Variants in CTNND2 observed in about 807,000 individuals in gnomAD.
CTNND2 encodes the protein catenin delta-2.
In CTNND2, 22 loss-of-function variants were observed where a neutral mutation model predicts 144.4. That is an observed-to-expected ratio of 0.15 (90% CI 0.11 to 0.22). The LOEUF is 0.22. CTNND2 is among the 10% of genes least tolerant of loss of function. The pLI, the probability that CTNND2 is intolerant of heterozygous loss-of-function variation, is 1.00. For synonymous variants in CTNND2, 751 were observed against 695.6 expected, an observed-to-expected ratio of 1.08 and a Z score of -1.25; for missense variants, 1,353 against 1,618.8, an observed-to-expected ratio of 0.84 and a Z score of 2.82.
intron 9 of CTNND2, among the ~76,000 whole-genome samples, chr5:11,281,293 C>T (rs958442182): frequency 6.6e-6 from 1 of 152,214 alleles, no homozygotes; most frequent in African/African-American, 2.4e-5. Flanking sequence ...CTTGGGGGAG[C>T]TACGTTTCTG....
chr5:11,046,422 C>T (rs1340469695), intron 16 of CTNND2, among the ~76,000 whole-genome samples: 2 of 152,206 alleles, frequency 1.3e-5, no homozygotes, highest in African/African-American at 4.8e-5. Context: ...AGGCAATCGA[C>T]CCTGTGACAC....
At chr5:11,276,987 A>G (rs1746605496) in intron 9 of CTNND2, among the ~76,000 whole-genome samples, 1 of 152,234 alleles carries the variant, frequency 6.6e-6, no homozygotes, top group African/African-American at 2.4e-5. Flanking sequence ...GTGAAAGAAT[A>G]CATTTCTGTT....
chr5:11,577,705 G>A (rs1374164004), intron 2 of CTNND2, among the ~76,000 whole-genome samples: 1 of 152,124 alleles, frequency 6.6e-6, no homozygotes, highest in African/African-American at 2.4e-5. Context: ...TTTGACATAA[G>A]CAAAAGGTTG....
At position 11,404,602 on chromosome 5, in the gene CTNND2, C is replaced by CCTT. The variant is rs1760925742; in HGVS notation, c.439+6933_439+6934insAAG. Among the ~76,000 whole-genome samples, 11 of 57,384 alleles carry CCTT rather than the reference C, an allele frequency of 1.9e-4. No individual in the cohort carries two copies. The East Asian group carries it at 4.9e-3, about 26-fold the overall frequency. The allele number at this position is 57,384 out of a possible 152,430, so 37.6% of individuals were successfully genotyped here. A position where few individuals can be genotyped will look rare whatever the true frequency, so the allele number is the denominator to read the frequency against. On this transcript the variant is annotated intron_variant, in intron 5 of 21. Coordinates refer to ENST00000304623, the MANE Select transcript of CTNND2 (RefSeq NM_001332.4). ...ATCAGTATCTGTCAGTATCTGTATT[C>CCTT]TTTTTTTTTTTTTTTTTTTTTTTTT...
chr5:11,570,341 G>C (rs1246915187), intron 2 of CTNND2, among the ~76,000 whole-genome samples: 1 of 152,114 alleles, frequency 6.6e-6, no homozygotes, highest in Non-Finnish European at 1.5e-5. Context: ...TCTCCTCTAT[G>C]AGTTGTCTTC....
intron 1 of CTNND2, among the ~76,000 whole-genome samples, chr5:11,737,707 T>C (rs908539982): frequency 3.0e-4 from 45 of 152,222 alleles, no homozygotes; most frequent in Middle Eastern, 3.4e-3. Context: ...ATGGAGCCTT[T>C]AGGGAGGTGA....
chr5:11,456,094 C>A (rs766298274), intron 3 of CTNND2, among the ~76,000 whole-genome samples: 4 of 152,150 alleles, frequency 2.6e-5, no homozygotes, highest in Non-Finnish European at 4.4e-5. Context: ...CACAAGACTG[C>A]ACATTCAATT....
At chr5:11,878,397 G>C (rs558346193) in intron 1 of CTNND2, among the ~76,000 whole-genome samples, 19 of 152,236 alleles carry the variant, frequency 1.2e-4, no homozygotes, top group African/African-American at 4.6e-4. Context: ...ACAAGGTCAG[G>C]CCCAAGTAAG....
At chr5:10,992,475 G>A in intron 19 of CTNND2, 76 bp downstream of exon 19, 1 of 1,597,526 alleles carries the variant, frequency 6.3e-7, no homozygotes, top group Non-Finnish European at 8.6e-7. Context: ...AGTACGGGTT[G>A]GCTCACGGAC....
At chr5:11,583,237 A>T (rs577983211) in intron 2 of CTNND2, among the ~76,000 whole-genome samples, 5 of 152,320 alleles carry the variant, frequency 3.3e-5, no homozygotes, top group African/African-American at 1.2e-4. Flanking sequence ...ATCCACCATC[A>T]TCCTGAGCTC....
chr5:11,467,326 T>C (rs922913746), intron 3 of CTNND2, among the ~76,000 whole-genome samples: 6 of 152,220 alleles, frequency 3.9e-5, no homozygotes, highest in African/African-American at 1.4e-4. Flanking sequence ...TTTCTGCTCG[T>C]CCTGGTTGTA....
chr5:11,837,049 T>C lies in CTNND2; in HGVS notation c.37+66768A>G, dbSNP rs75680887. 9.1e-3 allele frequency among the ~76,000 whole-genome samples: 1,384 copies of C among 152,372 alleles called. 25 individuals are homozygous for C. The highest frequency in any genetic ancestry group is 0.03 in the African/African-American group (1,259 of 41,600). On this transcript the variant is annotated intron_variant, in intron 1 of 21. Transcript: ENST00000304623. The stretch of plus-strand genomic sequence containing the variant: ...TTTCAAAGAATAATCAGGGAATCAG[T>C]TGTGGATCTGGTACTTGTTGTTTTC...
At chr5:11,846,072 A>G (rs1794721733) in intron 1 of CTNND2, among the ~76,000 whole-genome samples, 2 of 152,218 alleles carry the variant, frequency 1.3e-5, no homozygotes, top group African/African-American at 4.8e-5. Context: ...TTCCAAATAT[A>G]GGAGCGAATT....
chr5:11,346,837 G>A (rs548510075), intron 8 of CTNND2, among the ~76,000 whole-genome samples: 5 of 152,286 alleles, frequency 3.3e-5, no homozygotes, highest in East Asian at 1.9e-4. Flanking sequence ...AAACCTTTCA[G>A]GTATGGGGGG....
chr5:11,689,562 C>T (rs1170681983), intron 2 of CTNND2, among the ~76,000 whole-genome samples: 2 of 152,178 alleles, frequency 1.3e-5, no homozygotes, highest in African/African-American at 4.8e-5. Context: ...TTTGTGAATG[C>T]TGTTGTACAG....
rs972529266 is a variant in CTNND2, at chr5:11,384,375, A to T, written c.1177+290T>A. On this transcript the variant is annotated intron_variant, in intron 7 of 21. Transcript: ENST00000304623. This position sits in a 1 kb window ranked among gnomAD's most constrained non-coding sequence, Gnocchi z 5.2. ...GCTTTCCTAAATGTGTCTTACTTTT[A>T]TGAGTTAGTCTTTAGGCTGGGGAGA... The T allele has an allele frequency of 1.9e-5, 8 of 419,094 alleles. No homozygotes were observed. Among genetic ancestry groups the T allele is most frequent in the African/African-American group, 1.6e-4 (8 of 48,922 alleles). The allele number at this position is 419,094 out of a possible 1,614,324, so 26.0% of individuals were successfully genotyped here. A position where few individuals can be genotyped will look rare whatever the true frequency, so the allele number is the denominator to read the frequency against.
At chr5:11,442,091 C>T (rs949952740) in intron 3 of CTNND2, among the ~76,000 whole-genome samples, 2 of 151,974 alleles carry the variant, frequency 1.3e-5, no homozygotes, top group Non-Finnish European at 2.9e-5. Flanking sequence ...TTAGAAATTC[C>T]GTAGTTTAAA....
intron 1 of CTNND2, among the ~76,000 whole-genome samples, chr5:11,832,980 T>C (rs1793986485): frequency 6.6e-6 from 1 of 151,972 alleles, no homozygotes; most frequent in African/African-American, 2.4e-5. Context: ...ATTATATATA[T>C]TCCACACAGT....
chr5:11,811,484 C>T (rs959847215), intron 1 of CTNND2, among the ~76,000 whole-genome samples: 6 of 152,048 alleles, frequency 3.9e-5, no homozygotes, highest in African/African-American at 1.4e-4. Context: ...ATCCAATAGG[C>T]TAGTATAAAT....
Sources: allele counts gnomAD v4.1 joint callset (sites outside exome capture counted in the v4.1 genomes callset), GRCh38; gene constraint gnomAD v4.1.1; non-coding constraint Gnocchi (gnomAD v3.1); transcripts MANE v1.5; gene names NCBI Gene and HGNC (gene_info 2026-07-23, HGNC 2026-07-21).